Variants in ATP8A2 observed in about 807,000 individuals in gnomAD.
ATP8A2 encodes ATPase phospholipid transporting 8A2.
In ATP8A2, 100 loss-of-function variants were observed where a neutral mutation model predicts 165.6. The observed-to-expected ratio is 0.60, with a 90% CI of 0.51 to 0.71. The LOEUF is 0.71. Among genes scored for constraint, ATP8A2 ranks in the 30% least tolerant of loss-of-function variants. The pLI is 0.00. For missense variants in ATP8A2, 1,227 were observed against 1,479.5 expected, an observed-to-expected ratio of 0.83 and a Z score of 2.80; for synonymous variants, 543 against 548.8, an observed-to-expected ratio of 0.99 and a Z score of 0.15.
chr13:25,517,450 T>C (rs751245524), intron 2 of ATP8A2, among the ~76,000 whole-genome samples: 1 of 152,240 alleles, frequency 6.6e-6, no homozygotes, highest in Non-Finnish European at 1.5e-5. Context: ...AAGTGTTTCA[T>C]GTCCATAGTT....
At chr13:26,009,824 C>T (rs11149419) in intron 35 of ATP8A2, among the ~76,000 whole-genome samples, 21,170 of 152,116 alleles carry the variant, frequency 0.14, 2,424 homozygotes, top group East Asian at 0.54. Flanking sequence ...CCAGCACTTT[C>T]GGAGGCTGAA....
chr13:25,742,428 G>A (rs2043934157), intron 25 of ATP8A2, among the ~76,000 whole-genome samples: 1 of 151,800 alleles, frequency 6.6e-6, no homozygotes, highest in Non-Finnish European at 1.5e-5. Flanking sequence ...CAAATGAGGG[G>A]TACACATGTG....
chr13:25,452,239 C>T (rs1042077109), intron 1 of ATP8A2, among the ~76,000 whole-genome samples: 5 of 152,160 alleles, frequency 3.3e-5, no homozygotes, highest in Non-Finnish European at 4.4e-5. Flanking sequence ...AGATGGTAGA[C>T]GCAGGGAATG....
chr13:25,759,918 T>C (rs217899), intron 25 of ATP8A2, among the ~76,000 whole-genome samples: 150,518 of 152,338 alleles, frequency 0.99, 74,382 homozygotes, highest in East Asian at 1. Context: ...CCTGTCAGAA[T>C]GCCACTTTAA....
At chr13:25,879,409 A>G (rs1952909546) in intron 33 of ATP8A2, among the ~76,000 whole-genome samples, 1 of 152,202 alleles carries the variant, frequency 6.6e-6, no homozygotes, top group Admixed American at 6.5e-5. Context: ...AAAAAAATGG[A>G]CGTTACTTAA....
intron 35 of ATP8A2, among the ~76,000 whole-genome samples, chr13:25,996,930 C>T (rs1268989007): frequency 3.3e-5 from 5 of 152,162 alleles, no homozygotes; most frequent in African/African-American, 9.7e-5. Context: ...ATGATCCTCC[C>T]ACCTCGGCCT....
chr13:25,898,816 G>A (rs2138938465), intron 33 of ATP8A2, among the ~76,000 whole-genome samples: 1 of 152,334 alleles, frequency 6.6e-6, no homozygotes, highest in South Asian at 2.1e-4. Context: ...CGTGGGCATA[G>A]AACCCTCCGA....
At chr13:25,818,202 T>C (rs1377966031) in intron 27 of ATP8A2, among the ~76,000 whole-genome samples, 1 of 152,154 alleles carries the variant, frequency 6.6e-6, no homozygotes, top group African/African-American at 2.4e-5. Flanking sequence ...ATGGGGAAGA[T>C]TTTTAAAGCT....
intron 35 of ATP8A2, among the ~76,000 whole-genome samples, chr13:26,000,742 C>T: frequency 6.7e-6 from 1 of 150,050 alleles, no homozygotes; most frequent in East Asian, 1.9e-4. Flanking sequence ...ATGCCAATAC[C>T]CCCCACCATG....
intron 27 of ATP8A2, among the ~76,000 whole-genome samples, chr13:25,826,829 C>T (rs1353550745): frequency 6.6e-5 from 10 of 150,752 alleles, no homozygotes; most frequent in Non-Finnish European, 8.9e-5. Flanking sequence ...AGGTTTCTGT[C>T]CTCCCGGTGG....
chr13:25,995,969 A>G (rs1956492690), intron 35 of ATP8A2, among the ~76,000 whole-genome samples: 2 of 152,208 alleles, frequency 1.3e-5, no homozygotes, highest in Non-Finnish European at 2.9e-5. Context: ...CTTGGTGCAT[A>G]GACATTCAGG....
At chr13:25,670,882 G>A (rs1366826998) in intron 24 of ATP8A2, among the ~76,000 whole-genome samples, 1 of 152,168 alleles carries the variant, frequency 6.6e-6, no homozygotes, top group East Asian at 1.9e-4. Context: ...TGAAATCATG[G>A]AGCTGGTTCC....
intron 2 of ATP8A2, among the ~76,000 whole-genome samples, chr13:25,505,820 A>G (rs2037019179): frequency 6.6e-6 from 1 of 152,238 alleles, no homozygotes; most frequent in Non-Finnish European, 1.5e-5. Flanking sequence ...ACAAGGTATT[A>G]TTAATATCCG....
chr13:25,490,096 C>T (rs544226752), intron 2 of ATP8A2, among the ~76,000 whole-genome samples: 2 of 152,228 alleles, frequency 1.3e-5, no homozygotes, highest in South Asian at 2.1e-4. Flanking sequence ...CTTAGCTTTT[C>T]GGGTATATTT....
intron 10 of ATP8A2, among the ~76,000 whole-genome samples, chr13:25,549,987 G>A (rs1293598118): frequency 1.3e-5 from 2 of 152,020 alleles, no homozygotes; most frequent in East Asian, 1.9e-4. Context: ...AATCCCATCC[G>A]CAAAGTCCCT....
At chr13:25,576,836 G>A (rs372191140) in intron 19 of ATP8A2, among the ~76,000 whole-genome samples, 16 of 152,212 alleles carry the variant, frequency 1.1e-4, no homozygotes, top group Admixed American at 2.6e-4. Flanking sequence ...TGCAAATAGC[G>A]GTCCTAGTCT....
intron 25 of ATP8A2, among the ~76,000 whole-genome samples, chr13:25,757,691 C>T (rs2044292874): frequency 6.6e-6 from 1 of 152,184 alleles, no homozygotes; most frequent in South Asian, 2.1e-4. Flanking sequence ...AAGACCTTTA[C>T]AGCATGAGAA....
chr13:25,953,423 T>C lies in ATP8A2; in HGVS notation c.3184-8152T>C, dbSNP rs571699137. 6.0e-5 allele frequency among the ~76,000 whole-genome samples: 9 copies of C among 150,390 alleles called. 1 individual carries two copies. The highest frequency in any genetic ancestry group is 2.2e-4 in the African/African-American group (9 of 40,924). On this transcript the variant is annotated intron_variant, in intron 33 of 36. Transcript: ENST00000381655. This position sits in a 1 kb window ranked among gnomAD's most constrained non-coding sequence, Gnocchi z 6.7. ...ATTTGAGCTTCCTTCTCCTCACAGG[T>C]GAACTGTTGCTGCTCCACCTTTATT... is the stretch of plus-strand genomic sequence containing the variant.
At chr13:25,614,816 C>T (rs943384847) in intron 24 of ATP8A2, among the ~76,000 whole-genome samples, 2 of 152,302 alleles carry the variant, frequency 1.3e-5, no homozygotes, top group Admixed American at 6.5e-5. Context: ...CTCCAGGCTG[C>T]CACTGGGGAA....
Sources: gnomAD v4.1 joint callset for allele counts (sites outside exome capture counted in the v4.1 genomes callset) on GRCh38, gnomAD v4.1.1 for gene constraint, Gnocchi (gnomAD v3.1) non-coding constraint, MANE v1.5 for transcripts, NCBI Gene and HGNC (gene_info 2026-07-23, HGNC 2026-07-21) for gene names.